The following CALN1 variants were observed in gnomAD, a reference collection of about 807,000 sequenced individuals.
CALN1 encodes calneuron 1, also known as calcium-binding protein 8.
Under a neutral mutation model 30.6 loss-of-function variants are expected in CALN1, and 17 were observed. That is an observed-to-expected ratio of 0.56 (90% CI 0.38 to 0.83). CALN1 has a LOEUF of 0.83. CALN1 is among the 40% of genes least tolerant of loss of function. CALN1 has a pLI of 0.00. For missense variants in CALN1, 291 were observed against 354.9 expected (o/e 0.82, Z 1.45); for synonymous variants, 156 against 131.4 (o/e 1.19, Z -1.28).
chr7:72,159,059 GC>G (rs1411658232), intron 3 of CALN1, among the ~76,000 whole-genome samples: 2 of 151,764 alleles, frequency 1.3e-5, no homozygotes, highest in Non-Finnish European at 2.9e-5. Flanking sequence ...CTCCATGTTG[GC>G]CAGGCTGGTC....
intron 3 of CALN1, among the ~76,000 whole-genome samples, chr7:72,276,820 T>C (rs1208099671): frequency 2.0e-5 from 3 of 152,180 alleles, no homozygotes; most frequent in Non-Finnish European, 2.9e-5. Context: ...TTCTTTTCTA[T>C]ATCAATTACC....
At chr7:71,825,338 C>T (rs1053342090) in intron 5 of CALN1, among the ~76,000 whole-genome samples, 6 of 152,146 alleles carry the variant, frequency 3.9e-5, no homozygotes, top group South Asian at 2.1e-4. Flanking sequence ...ATACTGTTCT[C>T]GTGGTAGTGA....
At chr7:71,856,038 T>C (rs1276866083) in intron 5 of CALN1, among the ~76,000 whole-genome samples, 1 of 152,006 alleles carries the variant, frequency 6.6e-6, no homozygotes, top group African/African-American at 2.4e-5. Flanking sequence ...ATTTTGTATA[T>C]GTAGATATGT....
intron 3 of CALN1, among the ~76,000 whole-genome samples, chr7:72,203,118 T>A (rs937848233): frequency 1.3e-5 from 2 of 151,904 alleles, no homozygotes; most frequent in African/African-American, 4.8e-5. Flanking sequence ...TTCTCACTCA[T>A]AAGTGGGAGC....
intron 2 of CALN1, among the ~76,000 whole-genome samples, chr7:72,359,262 A>G (rs1216016404): frequency 1.3e-5 from 2 of 152,096 alleles, no homozygotes; most frequent in Non-Finnish European, 2.9e-5. Flanking sequence ...CGCGTTCTCA[A>G]TCCATTTCTG....
At chr7:72,009,111 GAAC>G (rs1302851319) in intron 5 of CALN1, among the ~76,000 whole-genome samples, 11 of 151,980 alleles carry the variant, frequency 7.2e-5, no homozygotes, top group Non-Finnish European at 1.3e-4. Context: ...AAAAAAATGA[GAAC>G]AAAACAAAAA....
intron 2 of CALN1, among the ~76,000 whole-genome samples, chr7:72,357,868 GT>G (rs535228731): frequency 6.1e-5 from 9 of 146,910 alleles, no homozygotes; most frequent in Admixed American, 2.0e-4. Context: ...ATATATGTGT[GT>G]TTTTTTTTAG....
intron 1 of CALN1, among the ~76,000 whole-genome samples, chr7:72,418,797 G>T (rs935587458): frequency 5.9e-5 from 9 of 152,106 alleles, no homozygotes; most frequent in Non-Finnish European, 8.8e-5. Flanking sequence ...GATTGCTTGA[G>T]GCCAGGAGTT....
At chr7:72,223,212 C>T (rs565652642) in intron 3 of CALN1, among the ~76,000 whole-genome samples, 1 of 152,192 alleles carries the variant, frequency 6.6e-6, no homozygotes, top group Non-Finnish European at 1.5e-5. Context: ...GGTTCCCATT[C>T]TTCTGACAAC....
At chr7:72,027,726 A>ACACACACAC (rs1801157723) in intron 4 of CALN1, among the ~76,000 whole-genome samples, 4 of 143,320 alleles carry the variant, frequency 2.8e-5, no homozygotes, top group Admixed American at 1.4e-4. Flanking sequence ...CAAACAAACA[A>ACACACACAC]ACACACACAC....
the CALN1 span, among the ~76,000 whole-genome samples, chr7:72,500,568 C>T: frequency 6.6e-6 from 1 of 152,070 alleles, no homozygotes; most frequent in Non-Finnish European, 1.5e-5. Flanking sequence ...GCGTGAGCCA[C>T]CGTGCCCAGC....
At chr7:72,368,132 T>C (rs1803984178) in intron 2 of CALN1, among the ~76,000 whole-genome samples, 1 of 151,560 alleles carries the variant, frequency 6.6e-6, no homozygotes, top group African/African-American at 2.4e-5. Context: ...AAAAAATACA[T>C]ATCTGTATCT....
At chr7:72,395,743 C>T (rs1374730592) in intron 2 of CALN1, among the ~76,000 whole-genome samples, 2 of 151,958 alleles carry the variant, frequency 1.3e-5, no homozygotes, top group Admixed American at 1.3e-4. Context: ...CATTGGATGT[C>T]GAAAACCGAG....
intron 2 of CALN1, among the ~76,000 whole-genome samples, chr7:72,293,015 T>C (rs1798601492): frequency 6.6e-6 from 1 of 152,076 alleles, no homozygotes; most frequent in African/African-American, 2.4e-5. Flanking sequence ...GTTCCTGTTG[T>C]TCAGTAGCGC....
At chr7:72,047,295 A>C (rs1802531775) in intron 4 of CALN1, among the ~76,000 whole-genome samples, 1 of 152,198 alleles carries the variant, frequency 6.6e-6, no homozygotes, top group Admixed American at 6.5e-5. Context: ...TGAAAAGACA[A>C]GAGGCTGAAA....
intron 3 of CALN1, among the ~76,000 whole-genome samples, chr7:72,163,380 C>A (rs1439316229): frequency 3.4e-5 from 3 of 87,176 alleles, no homozygotes; most frequent in Non-Finnish European, 4.7e-5. Flanking sequence ...AAGAAAAAAA[C>A]TTATTGGAGA....
chr7:72,357,834 A>G (rs1470648550), intron 2 of CALN1, among the ~76,000 whole-genome samples: 2 of 146,264 alleles, frequency 1.4e-5, no homozygotes, highest in Non-Finnish European at 3.0e-5. Flanking sequence ...ATATTTTTAT[A>G]TATTTATATA....
chr7:71,877,081 G>A (rs35296889), intron 5 of CALN1, among the ~76,000 whole-genome samples: 15 of 151,874 alleles, frequency 9.9e-5, no homozygotes, highest in Non-Finnish European at 2.9e-5. Context: ...GTTTCTTCTT[G>A]CTACAGCATA....
chr7:72,336,776 G>A (rs1802080049), intron 2 of CALN1: 3 of 985,226 alleles, frequency 3.0e-6, no homozygotes, highest in Non-Finnish European at 2.4e-6. Flanking sequence ...TTCCTCCGAG[G>A]CCCGCAGGGA....
Sources: allele counts gnomAD v4.1 joint callset (sites outside exome capture counted in the v4.1 genomes callset), GRCh38; gene constraint gnomAD v4.1.1; transcripts MANE v1.5; gene names NCBI Gene and HGNC (gene_info 2026-07-23, HGNC 2026-07-21).